The following GPR39 variants were observed in gnomAD, a reference collection of about 807,000 sequenced individuals.
GPR39 encodes G protein-coupled receptor 39, also known as zinc sensing receptor.
A neutral mutation model predicts 18.4 loss-of-function variants in GPR39; 23 were observed. The observed-to-expected ratio is 1.25, with a 90% CI of 0.90 to 1.77. The LOEUF (loss-of-function observed/expected upper bound fraction) is 1.77. Ranked by LOEUF, GPR39 falls within the 40% of genes most tolerant of loss-of-function variation. GPR39 has a pLI of 0.00. For synonymous variants in GPR39, 280 were observed against 257.9 expected (o/e 1.09, Z -0.82); for missense variants, 647 against 602.4 (o/e 1.07, Z -0.78).
At chr2:132,577,229 C>T (rs533191534) in intron 1 of GPR39, among the ~76,000 whole-genome samples, 20 of 152,026 alleles carry the variant, frequency 1.3e-4, no homozygotes, top group Non-Finnish European at 2.4e-4. Flanking sequence ...TCGTGGCACA[C>T]ACCTGTAGGC....
intron 1 of GPR39, among the ~76,000 whole-genome samples, chr2:132,527,481 G>T (rs1265036489): frequency 5.3e-5 from 8 of 152,198 alleles, no homozygotes; most frequent in Non-Finnish European, 8.8e-5. Flanking sequence ...GGGTCAAATG[G>T]TGTTTGTAGT....
chr2:132,416,956 G>C lies in GPR39; in HGVS notation c.-87G>C, dbSNP rs1331750763. 7 of 1,507,936 alleles carry C rather than the reference G, an allele frequency of 4.6e-6. No individual in the cohort carries two copies. The Admixed American group carries it at 1.4e-4, about 29-fold the overall frequency. 93.4% of individuals were successfully genotyped at this position (1,507,936 alleles called of 1,614,324 possible). ...TAAAATCGTGCGCCCACGCAGGTGA[G>C]TTTGCAGCCAAGAATTTTGGACGCT... On this transcript the variant is annotated 5_prime_UTR_variant, in exon 1 of 2. Transcript: ENST00000329321.
rs200824947 is a variant in GPR39 at position 132,513,394 on chromosome 2, CG to C, written c.856+95498del. On this transcript the variant is annotated intron_variant, in intron 1 of 1. Coordinates refer to ENST00000329321, the MANE Select transcript of GPR39 (RefSeq NM_001508.3). ...GGGAGGATGGCGTGAACCTGGGAGG[CG>C]GAGTTTGCAGTGAGCTGAGATCGCG... is the stretch of plus-strand genomic sequence containing the variant. 7.8e-3 allele frequency among the ~76,000 whole-genome samples: 1,181 copies of C among 151,848 alleles called. 13 individuals carry two copies. Among genetic ancestry groups the C allele is most frequent in the African/African-American group, 0.026 (1,079 of 41,424 alleles).
rs150467732 is a variant in GPR39, at chr2:132,500,786, A to G, written c.856+82888A>G. Among the ~76,000 whole-genome samples, 707 of 152,154 alleles carry G rather than the reference A, an allele frequency of 4.6e-3. 3 individuals are homozygous for G. Among genetic ancestry groups the G allele is most frequent in the Middle Eastern group, 6.8e-3 (2 of 294 alleles). On this transcript the variant is annotated intron_variant, in intron 1 of 1. Coordinates refer to ENST00000329321, the MANE Select transcript of GPR39 (RefSeq NM_001508.3). ...TCATTGCTCTGTTCAGAGATTCTAT[A>G]TCTTCCTAGTTAAATCTAGGAGGGT...
chr2:132,577,167 G>A (rs1369252262), intron 1 of GPR39, among the ~76,000 whole-genome samples: 1 of 151,742 alleles, frequency 6.6e-6, no homozygotes, highest in African/African-American at 2.4e-5. Flanking sequence ...GACCAGCCTG[G>A]GCAACACGGT....
chr2:132,566,654 A>G (rs1008005701), intron 1 of GPR39, among the ~76,000 whole-genome samples: 8 of 152,170 alleles, frequency 5.3e-5, no homozygotes, highest in African/African-American at 1.9e-4. Flanking sequence ...AAAACTCAGT[A>G]TTGGTGAGAG....
At chr2:132,437,019 C>G (rs377001675) in intron 1 of GPR39, among the ~76,000 whole-genome samples, 1 of 152,088 alleles carries the variant, frequency 6.6e-6, no homozygotes, top group Non-Finnish European at 1.5e-5. Context: ...AATTGAAACA[C>G]GGAGAGTTTA....
chr2:132,482,770 T>C (rs745813492), intron 1 of GPR39, among the ~76,000 whole-genome samples: 1 of 152,336 alleles, frequency 6.6e-6, no homozygotes, highest in South Asian at 2.1e-4. Flanking sequence ...TAGTAGTAGT[T>C]TGCAAATCAG....
At chr2:132,466,948 A>G (rs747385739) in intron 1 of GPR39, among the ~76,000 whole-genome samples, 1 of 152,114 alleles carries the variant, frequency 6.6e-6, no homozygotes, top group South Asian at 2.1e-4. Context: ...TGACAAGGTC[A>G]CCCCATAACT....
chr2:132,617,081 G>C (rs1482599095), intron 1 of GPR39, among the ~76,000 whole-genome samples: 1 of 152,056 alleles, frequency 6.6e-6, no homozygotes, highest in Admixed American at 6.6e-5. Flanking sequence ...CGTAGCCTTG[G>C]GTCTTCCAGT....
intron 1 of GPR39, among the ~76,000 whole-genome samples, chr2:132,580,334 G>C (rs1388740505): frequency 6.6e-6 from 1 of 152,162 alleles, no homozygotes; most frequent in Non-Finnish European, 1.5e-5. Context: ...TCCCAGGATG[G>C]GAACCATTTC....
intron 1 of GPR39, among the ~76,000 whole-genome samples, chr2:132,610,863 C>G (rs1681226887): frequency 6.6e-6 from 1 of 151,878 alleles, no homozygotes; most frequent in Admixed American, 6.6e-5. Flanking sequence ...GCTTCCAAGG[C>G]CCCTGAGCTC....
At chr2:132,546,115 G>A (rs1344467628) in intron 1 of GPR39, among the ~76,000 whole-genome samples, 1 of 152,150 alleles carries the variant, frequency 6.6e-6, no homozygotes, top group Non-Finnish European at 1.5e-5. Context: ...AGACAATTTT[G>A]GTTAAGAGTT....
chr2:132,581,060 G>A (rs1680614730), intron 1 of GPR39, among the ~76,000 whole-genome samples: 1 of 145,642 alleles, frequency 6.9e-6, no homozygotes, highest in African/African-American at 2.6e-5. Context: ...AAAAAAAAAA[G>A]CATTACTGTG....
intron 1 of GPR39, among the ~76,000 whole-genome samples, chr2:132,552,333 C>T (rs1680058442): frequency 6.6e-6 from 1 of 152,044 alleles, no homozygotes; most frequent in Non-Finnish European, 1.5e-5. Flanking sequence ...ATAGTGAGTT[C>T]TCTCAAGATC....
chr2:132,450,998 G>A (rs1680621258), intron 1 of GPR39, among the ~76,000 whole-genome samples: 1 of 152,186 alleles, frequency 6.6e-6, no homozygotes, highest in African/African-American at 2.4e-5. Flanking sequence ...GCTCAAAGGT[G>A]GATGCCAGAG....
Position 132,575,649 on chromosome 2 carries a change from C to T in GPR39, c.857-69452C>T, listed in dbSNP as rs527351451. Reference sequence around the variant, plus strand: ...ATTTTTTGCTTTAGACATTCTGATACGTGTATACTGATACTGCACTGTGGT... The same window carrying T: ...ATTTTTTGCTTTAGACATTCTGATATGTGTATACTGATACTGCACTGTGGT... On this transcript the variant is annotated intron_variant, in intron 1 of 1. Transcript: ENST00000329321. Among the ~76,000 whole-genome samples the T allele has an allele frequency of 3.3e-5, 5 of 152,188 alleles. No homozygotes were observed. In the South Asian group the frequency reaches 8.3e-4, roughly 25 times the overall value.
Position 132,437,938 on chromosome 2 carries a change from A to G in GPR39, c.856+20040A>G, listed in dbSNP as rs557843335. On this transcript the variant is annotated intron_variant, in intron 1 of 1. Coordinates refer to ENST00000329321, the MANE Select transcript of GPR39 (RefSeq NM_001508.3). ...GGGCTGCACCTGCAGCCTGAGTGATATTATCCTGGCTAGTGAAACTGTTTG... is the reference window on the plus strand; with the variant it reads ...GGGCTGCACCTGCAGCCTGAGTGATGTTATCCTGGCTAGTGAAACTGTTTG... Among the ~76,000 whole-genome samples, 8 of 152,266 alleles carry G rather than the reference A, an allele frequency of 5.3e-5. No individual in the cohort carries two copies. In the East Asian group the frequency reaches 1.5e-3, roughly 29 times the overall value.
intron 1 of GPR39, among the ~76,000 whole-genome samples, chr2:132,519,039 A>C (rs1039188370): frequency 2.0e-5 from 3 of 152,244 alleles, no homozygotes; most frequent in African/African-American, 4.8e-5. Flanking sequence ...AGGTGAGCAC[A>C]GGCTTTGGTT....
Sources: allele counts gnomAD v4.1 joint callset (sites outside exome capture counted in the v4.1 genomes callset), GRCh38; gene constraint gnomAD v4.1.1; transcripts MANE v1.5; gene names NCBI Gene and HGNC (gene_info 2026-07-23, HGNC 2026-07-21).